The following NXPH1 variants were observed in gnomAD, a reference collection of about 807,000 sequenced individuals.
NXPH1 encodes neurexophilin-1.
A neutral mutation model predicts 23.7 loss-of-function variants in NXPH1; 5 were observed. The observed-to-expected ratio is 0.21, with a 90% CI of 0.11 to 0.44. The LOEUF is 0.44. Among genes scored for constraint, NXPH1 ranks in the 20% least tolerant of loss-of-function variants. The probability of loss-of-function intolerance (pLI) is 0.99; values close to 1 mark genes in which losing one functional copy is unlikely to be tolerated. For synonymous variants in NXPH1, 144 were observed against 122.2 expected, an observed-to-expected ratio of 1.18 and a Z score of -1.18; for missense variants, 324 against 321.6, an observed-to-expected ratio of 1.01 and a Z score of -0.06.
chr7:8,698,463 C>T (rs1329533153), intron 2 of NXPH1, among the ~76,000 whole-genome samples: 1 of 152,138 alleles, frequency 6.6e-6, no homozygotes, highest in Non-Finnish European at 1.5e-5. Flanking sequence ...TGGCCAATAT[C>T]TCATACCAGT....
intron 2 of NXPH1, among the ~76,000 whole-genome samples, chr7:8,603,519 C>T (rs896716432): frequency 1.3e-5 from 2 of 152,180 alleles, no homozygotes; most frequent in South Asian, 4.1e-4. Context: ...TGCTTAAGAC[C>T]CCTCAAGTCT....
At position 8,498,732 on chromosome 7, in the gene NXPH1, G is replaced by A. The variant is rs116653141; in HGVS notation, c.54+62965G>A. 3.5e-3 allele frequency among the ~76,000 whole-genome samples: 535 copies of A among 152,080 alleles called. 5 individuals are homozygous for A. Among genetic ancestry groups the A allele is most frequent in the African/African-American group, 0.012 (508 of 41,526 alleles). ...CAGTCAATGAACACTCTATTTTCAG[G>A]ACCTATTATGAGCAAAGTCCTAGGG... On this transcript the variant is annotated intron_variant, in intron 2 of 2. Transcript: ENST00000405863.
At chr7:8,665,514 C>T (rs1202215655) in intron 2 of NXPH1, among the ~76,000 whole-genome samples, 2 of 151,820 alleles carry the variant, frequency 1.3e-5, no homozygotes. Flanking sequence ...TTTGTGGTTC[C>T]ATATAAATTT....
intron 2 of NXPH1, among the ~76,000 whole-genome samples, chr7:8,586,296 G>T (rs747117717): frequency 1.3e-5 from 2 of 152,122 alleles, no homozygotes; most frequent in South Asian, 2.1e-4. Context: ...GTGGAGGGAG[G>T]TTGTATAAAT....
chr7:8,747,086 T>A (rs892602506), intron 2 of NXPH1, among the ~76,000 whole-genome samples: 2 of 152,182 alleles, frequency 1.3e-5, no homozygotes, highest in African/African-American at 4.8e-5. Flanking sequence ...AGTGCCCTAT[T>A]TAATCCTCAC....
At chr7:8,584,670 T>C (rs557291126) in intron 2 of NXPH1, among the ~76,000 whole-genome samples, 1 of 152,326 alleles carries the variant, frequency 6.6e-6, no homozygotes, top group Admixed American at 6.5e-5. Flanking sequence ...TTGTGATTTA[T>C]TAGATCCTTA....
In NXPH1 at chr7:8,547,145, G is replaced by A. The variant is rs570561932; in HGVS notation, c.54+111378G>A. Among the ~76,000 whole-genome samples, 17 of 151,482 alleles carry A rather than the reference G, an allele frequency of 1.1e-4. No individual in the cohort carries two copies. In the South Asian group the frequency reaches 3.5e-3, roughly 31 times the overall value. ...TAAATGTAACGATTCACAACCCAAT[G>A]CCCCCTTAGGTGAATGCCAAAAATT... On this transcript the variant is annotated intron_variant, in intron 2 of 2. Coordinates refer to ENST00000405863, the MANE Select transcript of NXPH1 (RefSeq NM_152745.3).
chr7:8,681,152 A>G (rs931098300), intron 2 of NXPH1, among the ~76,000 whole-genome samples: 2 of 152,230 alleles, frequency 1.3e-5, no homozygotes, highest in African/African-American at 4.8e-5. Context: ...TTATGACATC[A>G]TTAAGTGGCA....
chr7:8,587,084 A>C (rs952284554), intron 2 of NXPH1, among the ~76,000 whole-genome samples: 2 of 152,190 alleles, frequency 1.3e-5, no homozygotes, highest in African/African-American at 4.8e-5. Flanking sequence ...GTCAAAATAC[A>C]GTTAAGACTT....
intron 2 of NXPH1, among the ~76,000 whole-genome samples, chr7:8,445,436 C>A (rs1171016894): frequency 6.6e-6 from 1 of 152,198 alleles, no homozygotes; most frequent in African/African-American, 2.4e-5. Flanking sequence ...CAGGGCCCTA[C>A]ATTTTTCTGC....
chr7:8,591,764 A>G (rs989697712), intron 2 of NXPH1, among the ~76,000 whole-genome samples: 2 of 151,848 alleles, frequency 1.3e-5, no homozygotes, highest in Middle Eastern at 3.2e-3. Context: ...GTTGCTGACA[A>G]TTTTGAAATT....
At chr7:8,658,636 T>A (rs1336845346) in intron 2 of NXPH1, among the ~76,000 whole-genome samples, 3 of 152,212 alleles carry the variant, frequency 2.0e-5, no homozygotes, top group Admixed American at 6.5e-5. Context: ...ATGAAAACAG[T>A]CATTTATAAT....
intron 2 of NXPH1, among the ~76,000 whole-genome samples, chr7:8,698,544 T>G (rs533004970): frequency 1.6e-4 from 24 of 152,292 alleles, no homozygotes; most frequent in African/African-American, 5.5e-4. Context: ...GATTTCAACA[T>G]GTCTTGTAGC....
At chr7:8,483,358 T>C (rs1266423895) in intron 2 of NXPH1, among the ~76,000 whole-genome samples, 2 of 151,970 alleles carry the variant, frequency 1.3e-5, no homozygotes, top group Non-Finnish European at 2.9e-5. Flanking sequence ...AAAGACAGGG[T>C]ATTGTTCAGT....
At chr7:8,610,873 G>A (rs1305139431) in intron 2 of NXPH1, among the ~76,000 whole-genome samples, 1 of 151,784 alleles carries the variant, frequency 6.6e-6, no homozygotes, top group Non-Finnish European at 1.5e-5. Flanking sequence ...ATTATTCCAG[G>A]GATATGCAAA....
chr7:8,561,447 A>T (rs1818444489), intron 2 of NXPH1, among the ~76,000 whole-genome samples: 1 of 150,676 alleles, frequency 6.6e-6, no homozygotes, highest in Non-Finnish European at 1.5e-5. Context: ...TGTTTTCAGT[A>T]ATTAGAATAG....
At chr7:8,576,687 T>A (rs939936299) in intron 2 of NXPH1, among the ~76,000 whole-genome samples, 1 of 151,986 alleles carries the variant, frequency 6.6e-6, no homozygotes, top group Admixed American at 6.6e-5. Flanking sequence ...AAAAAAAGGA[T>A]CTAGGAGATA....
chr7:8,661,861 T>C (rs1480674806), intron 2 of NXPH1, among the ~76,000 whole-genome samples: 3 of 152,106 alleles, frequency 2.0e-5, no homozygotes, highest in Non-Finnish European at 4.4e-5. Flanking sequence ...TTACCAAGTA[T>C]GACTGATACA....
chr7:8,712,771 G>C (rs1486560580), intron 2 of NXPH1, among the ~76,000 whole-genome samples: 12 of 152,104 alleles, frequency 7.9e-5, no homozygotes, highest in African/African-American at 2.9e-4. Context: ...CTTGCTCATG[G>C]TCACACATCT....
Sources: gnomAD v4.1 joint callset for allele counts (sites outside exome capture counted in the v4.1 genomes callset) on GRCh38, gnomAD v4.1.1 for gene constraint, MANE v1.5 for transcripts, NCBI Gene and HGNC (gene_info 2026-07-23, HGNC 2026-07-21) for gene names.